The following PCDH7 variants were observed in gnomAD, a reference collection of about 807,000 sequenced individuals.
PCDH7 encodes protocadherin-7.
Under a neutral mutation model 58.9 loss-of-function variants are expected in PCDH7, and 17 were observed. That is an observed-to-expected ratio of 0.29 (90% CI 0.20 to 0.43). The LOEUF is 0.43. Among genes scored for constraint, PCDH7 ranks in the 20% least tolerant of loss-of-function variants. The pLI, the probability that PCDH7 is intolerant of heterozygous loss-of-function variation, is 1.00. For synonymous variants in PCDH7, 664 were observed against 616.4 expected (o/e 1.08, Z -1.14); for missense variants, 1,274 against 1,441.0 (o/e 0.88, Z 1.88).
chr4:31,142,433 G>A lies in PCDH7; in HGVS notation c.*8-40G>A, dbSNP rs780640587. 7 of 1,333,280 alleles carry A rather than the reference G, an allele frequency of 5.3e-6. No individual in the cohort carries two copies. In the South Asian group the frequency reaches 8.5e-5, roughly 16 times the overall value. The allele number at this position is 1,333,280 out of a possible 1,614,324, so 82.6% of individuals were successfully genotyped here. A position where few individuals can be genotyped will look rare whatever the true frequency, so the allele number is the denominator to read the frequency against. On this transcript the variant is annotated intron_variant, in intron 3 of 3. Coordinates refer to the PCDH7 transcript ENST00000509759. ...ATATAGATCAGGGGAGCCTGTTGAG[G>A]AGTGTCAAATACTAATGGCTTATTC...
chr4:30,919,232 A>ATTG (rs1742864219), intron 1 of PCDH7, among the ~76,000 whole-genome samples: 1 of 58,488 alleles, frequency 1.7e-5, no homozygotes, highest in South Asian at 4.1e-4. Flanking sequence ...GTTTTTCCAA[A>ATTG]TTATTATTAT....
At chr4:31,086,249 A>C (rs1712417351) in intron 3 of PCDH7, among the ~76,000 whole-genome samples, 1 of 152,184 alleles carries the variant, frequency 6.6e-6, no homozygotes, top group Admixed American at 6.5e-5. Context: ...AAAAGAGCAG[A>C]GTTCCTTTTA....
At chr4:30,750,165 C>G (rs67124905) in intron 1 of PCDH7, among the ~76,000 whole-genome samples, 9,603 of 152,222 alleles carry the variant, frequency 0.063, 395 homozygotes, top group Non-Finnish European at 0.092. Flanking sequence ...AGTACCCACT[C>G]TCTTCCACCT....
intron 2 of PCDH7, among the ~76,000 whole-genome samples, chr4:30,940,147 A>G (rs766932085): frequency 3.3e-5 from 5 of 151,990 alleles, no homozygotes; most frequent in Non-Finnish European, 5.9e-5. Context: ...CTGAAAATGC[A>G]TTAACATATT....
chr4:30,720,852 GGCCGGA>G lies in PCDH7; in HGVS notation c.-562_-557del, dbSNP rs1362650921. The G allele has an allele frequency of 6.5e-6, 1 of 153,420 alleles. No homozygotes were observed. Among genetic ancestry groups the G allele is most frequent in the East Asian group, 1.9e-4 (1 of 5,210 alleles). The allele number at this position is 153,420 out of a possible 1,614,324, so 9.5% of individuals were successfully genotyped here. On this transcript the variant is annotated 5_prime_UTR_variant, in exon 1 of 2. Transcript: ENST00000361762. This position sits in a 1 kb window ranked among gnomAD's most constrained non-coding sequence, Gnocchi z 4.7. ...GGAAGCGACTCACGTTTGTCTGGGT[GGCCGGA>G]GCCGGAGCAGAGCCTGGGTTTGGAG...
At position 30,782,771 on chromosome 4, in the gene PCDH7, A is replaced by G. The variant is rs564519005; in HGVS notation, c.70+58175A>G. 3.9e-5 allele frequency among the ~76,000 whole-genome samples: 6 copies of G among 152,312 alleles called. No individual in the cohort carries two copies. In the East Asian group the frequency reaches 9.7e-4, roughly 25 times the overall value. ...GTTTAATGTCTATAAACTGAGGGGAACTTAGCAAGGCCTACTTGTTCAGAT... is the reference window on the plus strand; with the variant it reads ...GTTTAATGTCTATAAACTGAGGGGAGCTTAGCAAGGCCTACTTGTTCAGAT... On this transcript the variant is annotated intron_variant, in intron 1 of 3. Coordinates refer to the PCDH7 transcript ENST00000509759.
intron 1 of PCDH7, among the ~76,000 whole-genome samples, chr4:30,797,053 C>CG (rs1291741712): frequency 6.6e-6 from 1 of 151,924 alleles, no homozygotes; most frequent in African/African-American, 2.4e-5. Flanking sequence ...CTCCGCCTCT[C>CG]GGACTCAAGC....
intron 1 of PCDH7, among the ~76,000 whole-genome samples, chr4:30,805,887 T>C (rs1306114987): frequency 1.3e-5 from 2 of 152,212 alleles, no homozygotes; most frequent in African/African-American, 4.8e-5. Context: ...TTCTCTAAAG[T>C]GTAAATGCAC....
chr4:31,015,267 T>C (rs924993134), intron 3 of PCDH7, among the ~76,000 whole-genome samples: 2 of 152,206 alleles, frequency 1.3e-5, no homozygotes, highest in Non-Finnish European at 2.9e-5. Flanking sequence ...AGTTGCTTTA[T>C]TGTGCAAATA....
At chr4:30,778,712 C>A (rs1428051624) in intron 1 of PCDH7, among the ~76,000 whole-genome samples, 1 of 151,888 alleles carries the variant, frequency 6.6e-6, no homozygotes, top group African/African-American at 2.4e-5. Context: ...TAAAAGGATA[C>A]CGGTGTAACT....
At chr4:31,004,355 C>G (rs1317375160) in intron 3 of PCDH7, among the ~76,000 whole-genome samples, 1 of 152,048 alleles carries the variant, frequency 6.6e-6, no homozygotes, top group Non-Finnish European at 1.5e-5. Flanking sequence ...GCAAAATATG[C>G]TTTATTTACT....
chr4:31,068,521 C>T (rs182453409), intron 3 of PCDH7, among the ~76,000 whole-genome samples: 39 of 152,092 alleles, frequency 2.6e-4, no homozygotes, highest in African/African-American at 9.4e-4. Flanking sequence ...AATAATCTGA[C>T]ACTTCTCTGG....
At chr4:30,993,594 C>T (rs759038062) in intron 3 of PCDH7, among the ~76,000 whole-genome samples, 37 of 152,114 alleles carry the variant, frequency 2.4e-4, no homozygotes, top group Middle Eastern at 3.4e-3. Context: ...GCATTAGATA[C>T]GCTGTCATTT....
chr4:30,858,737 A>T (rs796249779), intron 1 of PCDH7, among the ~76,000 whole-genome samples: 5 of 152,266 alleles, frequency 3.3e-5, no homozygotes, highest in African/African-American at 1.2e-4. Context: ...ATTTCCTACC[A>T]TTGGGTTAGC....
intron 3 of PCDH7, among the ~76,000 whole-genome samples, chr4:31,081,235 T>C (rs1759474001): frequency 6.6e-6 from 1 of 152,204 alleles, no homozygotes; most frequent in African/African-American, 2.4e-5. Context: ...GCTTTCAAAT[T>C]TTATTTGGTT....
intron 1 of PCDH7, among the ~76,000 whole-genome samples, chr4:30,739,365 C>CT (rs1356607516): frequency 4.6e-5 from 7 of 150,844 alleles, no homozygotes; most frequent in Non-Finnish European, 8.8e-5. Flanking sequence ...ACATTTGACC[C>CT]TCTACAATTA....
At chr4:31,054,808 A>T (rs1157697986) in intron 3 of PCDH7, among the ~76,000 whole-genome samples, 1 of 152,030 alleles carries the variant, frequency 6.6e-6, no homozygotes, top group Non-Finnish European at 1.5e-5. Flanking sequence ...CGTTCAGGTT[A>T]AGTTGTCTGC....
At chr4:30,786,424 A>G (rs1318656294) in intron 1 of PCDH7, among the ~76,000 whole-genome samples, 2 of 152,058 alleles carry the variant, frequency 1.3e-5, no homozygotes, top group African/African-American at 2.4e-5. Context: ...CATAGCCTTG[A>G]AAAGCTTAAA....
At chr4:30,998,524 C>G (rs539653808) in intron 3 of PCDH7, among the ~76,000 whole-genome samples, 1 of 152,050 alleles carries the variant, frequency 6.6e-6, no homozygotes, top group African/African-American at 2.4e-5. Context: ...AAATCTGGTT[C>G]TCAGATCAGA....
Sources: gnomAD v4.1 joint callset for allele counts (sites outside exome capture counted in the v4.1 genomes callset) on GRCh38, gnomAD v4.1.1 for gene constraint, Gnocchi (gnomAD v3.1) non-coding constraint, MANE v1.5 for transcripts, NCBI Gene and HGNC (gene_info 2026-07-23, HGNC 2026-07-21) for gene names.